The following UCHL1 variants were observed in gnomAD, a reference collection of about 807,000 sequenced individuals.
The protein encoded by UCHL1 is ubiquitin carboxyl-terminal hydrolase isozyme L1.
UCHL1 carries 5 observed loss-of-function variants against 33.3 expected under a neutral mutation model. That is an observed-to-expected ratio of 0.15 (90% CI 0.08 to 0.32). The LOEUF (loss-of-function observed/expected upper bound fraction) is 0.32. Among genes scored for constraint, UCHL1 ranks in the 10% least tolerant of loss-of-function variants. UCHL1 has a pLI of 1.00. For synonymous variants in UCHL1, 132 were observed against 108.8 expected (o/e 1.21, Z -1.33); for missense variants, 236 against 280.0 (o/e 0.84, Z 1.12).
At position 41,257,733 on chromosome 4, in the gene UCHL1, C is replaced by A; in HGVS notation, c.170C>A (p.Ala57Asp). The stretch of plus-strand genomic sequence containing the variant: ...CTGCTGCTGCTGTTTCCCCTCACGG[C>A]CCAGGTAGGGCGTGGGGCCCAGGAT... The part of the protein sequence containing the change: ...CALLLLFPLT[A>D]QHENFRKKQI... Residue 57 changes from alanine (A) to aspartate (D), a missense_variant, in exon 3 of 9, where the codon GCC becomes GAC. Physicochemically the swap from Ala to Asp is moderately radical, Grantham distance 126. Coordinates refer to ENST00000284440, the MANE Select transcript of UCHL1 (RefSeq NM_004181.5). 6.3e-7 allele frequency: 1 copy of A among 1,576,746 alleles called. No individual in the cohort carries two copies. Among genetic ancestry groups the A allele is most frequent in the Admixed American group, 1.8e-5 (1 of 56,198 alleles).
rs779486680 is a variant in UCHL1, at chr4:41,257,071, C to T, written c.34-44C>T. 4 of 1,614,016 alleles carry T rather than the reference C, an allele frequency of 2.5e-6. No individual in the cohort carries two copies. The African/African-American group carries it at 5.3e-5, about 22-fold the overall frequency. ...GGCCGAGGGAGGGGGAGCCGAGTCG[C>T]TGATCGGTTCGGTTTTGCCTTTTTC... On this transcript the variant is annotated intron_variant, in intron 1 of 8. Transcript: ENST00000284440.
At chr4:41,267,238 T>C (rs1781168129) in intron 8 of UCHL1, among the ~76,000 whole-genome samples, 1 of 151,796 alleles carries the variant, frequency 6.6e-6, no homozygotes, top group Non-Finnish European at 1.5e-5. Flanking sequence ...GCTGTTTTTT[T>C]TTTTGTTTGT....
At chr4:41,260,947 C>A in intron 4 of UCHL1, 150 bp downstream of exon 4, 2 of 1,200,092 alleles carry the variant, frequency 1.7e-6, no homozygotes, top group African/African-American at 1.5e-5. Context: ...TCACAGTCCT[C>A]CTCAGAAAGG....
chr4:41,265,975 T>A (rs1215318424), intron 8 of UCHL1, among the ~76,000 whole-genome samples: 2 of 152,212 alleles, frequency 1.3e-5, no homozygotes, highest in Non-Finnish European at 2.9e-5. Flanking sequence ...CTAGTAAAGC[T>A]TTTAAGGTAC....
In UCHL1 at chr4:41,257,757, A is replaced by C; in HGVS notation, c.174+20A>C. ...GCCCAGGTAGGGCGTGGGGCCCAGG[A>C]TGCGCCGGCCGCCGGCAGTGCACGC... On this transcript the variant is annotated intron_variant, in intron 3 of 8. Coordinates refer to ENST00000284440, the MANE Select transcript of UCHL1 (RefSeq NM_004181.5). 6.4e-7 allele frequency: 1 copy of C among 1,559,620 alleles called. No homozygotes were observed. The highest frequency in any genetic ancestry group is 8.6e-7 in the Non-Finnish European group (1 of 1,158,526).
Position 41,268,095 on chromosome 4 carries a change from C to A in UCHL1, c.*22C>A. On this transcript the variant is annotated 3_prime_UTR_variant, in exon 9 of 9. Transcript: ENST00000284440. ...CTAATGCTCTGTGGGAGGGACTTTG[C>A]TGATTTCCCCTCTTCCCTTCAACAT... The A allele has an allele frequency of 6.2e-7, 1 of 1,604,816 alleles. No homozygotes were observed. Among genetic ancestry groups the A allele is most frequent in the Non-Finnish European group, 8.5e-7 (1 of 1,173,064 alleles).
At position 41,261,960 on chromosome 4, in the gene UCHL1, G is replaced by A. The variant is rs200793891; in HGVS notation, c.459+37G>A. The stretch of plus-strand genomic sequence containing the variant: ...TACAAATCGGAGCCAGGCTGCCTGG[G>A]TGCCATCTGTGTTTCTACTGAAATT... On this transcript the variant is annotated intron_variant, in intron 6 of 8. Coordinates refer to ENST00000284440, the MANE Select transcript of UCHL1 (RefSeq NM_004181.5). The A allele has an allele frequency of 8.7e-6, 14 of 1,610,016 alleles. No individual in the cohort carries two copies. The East Asian group carries it at 3.1e-4, about 36-fold the overall frequency.
intron 6 of UCHL1, among the ~76,000 whole-genome samples, 160 bp downstream of exon 6, chr4:41,262,083 TC>T (rs1248193147): frequency 4.1e-5 from 6 of 144,744 alleles, no homozygotes; most frequent in Non-Finnish European, 6.1e-5. Context: ...CTAGACCTGT[TC>T]ATAAAAAAAG....
At chr4:41,265,094 C>T (rs142413153) in intron 8 of UCHL1, among the ~76,000 whole-genome samples, 1 of 152,336 alleles carries the variant, frequency 6.6e-6, no homozygotes, top group Non-Finnish European at 1.5e-5. Flanking sequence ...TCCACCAGCA[C>T]AGGCTGGGTT....
chr4:41,257,437 C>T lies in UCHL1; in HGVS notation c.46-172C>T, dbSNP rs541504526. Reference sequence around the variant, plus strand: ...TCGCGGGCGCCACGTGTGGGCCGCGCTTTGTGCTGTGTCATTGCGCCGGCC... The same window carrying T: ...TCGCGGGCGCCACGTGTGGGCCGCGTTTTGTGCTGTGTCATTGCGCCGGCC... On this transcript the variant is annotated intron_variant, in intron 2 of 8. Transcript: ENST00000284440. The T allele has an allele frequency of 1.3e-4, 135 of 1,020,178 alleles. 1 individual carries two copies. The South Asian group carries it at 1.8e-3, about 14-fold the overall frequency. 63.2% of individuals were successfully genotyped at this position (1,020,178 alleles called of 1,614,324 possible). A position where few individuals can be genotyped will look rare whatever the true frequency, so the allele number is the denominator to read the frequency against.
intron 6 of UCHL1, 135 bp downstream of exon 6, chr4:41,262,058 C>A: frequency 3.1e-6 from 4 of 1,270,262 alleles, no homozygotes; most frequent in African/African-American, 1.5e-5. Flanking sequence ...AAGTTCTACC[C>A]AAATAATGCT....
chr4:41,263,295 T>G lies in UCHL1; in HGVS notation c.526+4T>G, dbSNP rs761805743. 2.5e-6 allele frequency: 4 copies of G among 1,613,886 alleles called. No homozygotes were observed. The South Asian group carries it at 3.3e-5, about 13-fold the overall frequency. Reference sequence around the variant, plus strand: ...GATGGCCACCTCTATGAACTTGGTATGTTTTACTCCATTTTTGGAACCCAG... The same window carrying G: ...GATGGCCACCTCTATGAACTTGGTAGGTTTTACTCCATTTTTGGAACCCAG... On this transcript the variant is annotated splice_donor_region_variant and intron_variant, in intron 7 of 8. Transcript: ENST00000284440.
At chr4:41,259,721 A>G (rs748515830) in intron 3 of UCHL1, among the ~76,000 whole-genome samples, 57 of 152,270 alleles carry the variant, frequency 3.7e-4, no homozygotes, top group Admixed American at 1.1e-3. Context: ...CTTATTTATT[A>G]TATTTTTATT....
intron 2 of UCHL1, 26 bp from the exon 3 acceptor site, chr4:41,257,583 C>T (rs1329522888): frequency 2.0e-6 from 3 of 1,496,142 alleles, no homozygotes; most frequent in African/African-American, 1.5e-5. Context: ...CCCCGTGCGC[C>T]TGGCCGCCTT....
intron 8 of UCHL1, 28 bp downstream of exon 8, chr4:41,264,189 A>G (rs1226457646): frequency 6.2e-7 from 1 of 1,613,980 alleles, no homozygotes; most frequent in Non-Finnish European, 8.5e-7. Flanking sequence ...TCTCTTCTTA[A>G]TGTGCCTCAC....
intron 6 of UCHL1, 43 bp from the exon 7 acceptor site, chr4:41,263,182 T>TA: frequency 6.8e-7 from 1 of 1,479,610 alleles, no homozygotes; most frequent in East Asian, 2.3e-5. Flanking sequence ...ATTTTTAAAA[T>TA]ACAGCTTACA....
At chr4:41,260,524 T>C in intron 3 of UCHL1, 123 bp from the exon 4 acceptor site, 1 of 1,244,148 alleles carries the variant, frequency 8.0e-7, no homozygotes, top group Non-Finnish European at 1.1e-6. Context: ...AGCCAACATC[T>C]AGAACCAGGG....
Position 41,268,356 on chromosome 4 carries a change from C to G in UCHL1, c.*283C>G. ...TTTAAATGGCTACTTTGGTTTCTGTCTGTAAGTTAAGACCTTGGATGTGGT... is the reference window on the plus strand; with the variant it reads ...TTTAAATGGCTACTTTGGTTTCTGTGTGTAAGTTAAGACCTTGGATGTGGT... On this transcript the variant is annotated 3_prime_UTR_variant, in exon 9 of 9. Coordinates refer to ENST00000284440, the MANE Select transcript of UCHL1 (RefSeq NM_004181.5). 1 of 490,862 alleles carries G rather than the reference C, an allele frequency of 2.0e-6. No homozygotes were observed. The highest frequency in any genetic ancestry group is 2.5e-5 in the South Asian group (1 of 39,538). The allele number at this position is 490,862 out of a possible 1,614,324, so 30.4% of individuals were successfully genotyped here.
intron 6 of UCHL1, 73 bp downstream of exon 6, chr4:41,261,996 C>G: frequency 4.4e-6 from 7 of 1,578,882 alleles, no homozygotes; most frequent in Non-Finnish European, 6.0e-6. Flanking sequence ...GTGCAGGAAT[C>G]TCTTACTGGA....
Sources: allele counts gnomAD v4.1 joint callset (sites outside exome capture counted in the v4.1 genomes callset), GRCh38; gene constraint gnomAD v4.1.1; transcripts MANE v1.5; gene names NCBI Gene and HGNC (gene_info 2026-07-23, HGNC 2026-07-21).